FLT1: variants seen among roughly 807,000 people sequenced by gnomAD.
The protein encoded by FLT1 is vascular endothelial growth factor receptor 1.
FLT1 carries 49 observed loss-of-function variants against 156.3 expected under a neutral mutation model. The observed-to-expected ratio is 0.31, with a 90% CI of 0.25 to 0.40. FLT1 has a LOEUF of 0.40. FLT1 is among the 10% of genes least tolerant of loss of function. The pLI, the probability that FLT1 is intolerant of heterozygous loss-of-function variation, is 1.00. For missense variants in FLT1, 1,322 were observed against 1,637.2 expected, an observed-to-expected ratio of 0.81 and a Z score of 3.32; for synonymous variants, 594 against 583.8, an observed-to-expected ratio of 1.02 and a Z score of -0.25.
intron 3 of FLT1, among the ~76,000 whole-genome samples, chr13:28,452,820 T>C (rs1445087446): frequency 6.6e-6 from 1 of 151,914 alleles, no homozygotes; most frequent in East Asian, 1.9e-4. Context: ...AATTACTTCA[T>C]GCTCACAACC....
rs61763191 is a variant in FLT1 at position 28,384,275 on chromosome 13, A to C, written c.2116+610T>G. Among the ~76,000 whole-genome samples, 1,127 of 152,112 alleles carry C rather than the reference A, an allele frequency of 7.4e-3. 17 individuals carry two copies. The highest frequency in any genetic ancestry group is 0.026 in the African/African-American group (1,086 of 41,498). ...ATGGTGAAACCTTGTCTCTATTAAAAATACAAAAATTAGCCTGGCATGGTG... is the reference window on the plus strand; with the variant it reads ...ATGGTGAAACCTTGTCTCTATTAAACATACAAAAATTAGCCTGGCATGGTG... On this transcript the variant is annotated intron_variant, in intron 14 of 29. Coordinates refer to ENST00000282397, the MANE Select transcript of FLT1 (RefSeq NM_002019.4).
intron 1 of FLT1, among the ~76,000 whole-genome samples, chr13:28,489,341 G>A (rs750931060): frequency 2.0e-5 from 3 of 152,134 alleles, no homozygotes; most frequent in African/African-American, 4.8e-5. Flanking sequence ...TTACTCATTC[G>A]TTCCAACACT....
intron 15 of FLT1, among the ~76,000 whole-genome samples, chr13:28,354,912 G>A (rs981865515): frequency 6.6e-6 from 1 of 151,912 alleles, no homozygotes; most frequent in Admixed American, 6.6e-5. Flanking sequence ...TAAATGATAT[G>A]GCTAACAGAA....
chr13:28,332,989 A>G (rs1871987015), intron 18 of FLT1, among the ~76,000 whole-genome samples: 2 of 152,246 alleles, frequency 1.3e-5, no homozygotes, highest in Non-Finnish European at 2.9e-5. Flanking sequence ...GTGGATACCA[A>G]ACTCCTTCCC....
intron 10 of FLT1, among the ~76,000 whole-genome samples, chr13:28,412,841 C>G (rs1171319178): frequency 6.7e-6 from 1 of 149,942 alleles, no homozygotes; most frequent in Non-Finnish European, 1.5e-5. Flanking sequence ...GGATTACAGG[C>G]CAGAGCCACC....
intron 17 of FLT1, among the ~76,000 whole-genome samples, chr13:28,334,814 A>G (rs369275503): frequency 4.6e-5 from 7 of 152,244 alleles, no homozygotes; most frequent in South Asian, 2.1e-4. Flanking sequence ...CCATAATGCT[A>G]TGCTATAATG....
intron 3 of FLT1, among the ~76,000 whole-genome samples, chr13:28,461,383 A>G (rs1327122206): frequency 6.6e-6 from 1 of 152,224 alleles, no homozygotes; most frequent in African/African-American, 2.4e-5. Context: ...GACCTAACCT[A>G]GCTGGATCCT....
At chr13:28,479,277 C>T (rs1029454946) in intron 1 of FLT1, among the ~76,000 whole-genome samples, 1 of 152,166 alleles carries the variant, frequency 6.6e-6, no homozygotes, top group South Asian at 2.1e-4. Context: ...TAAACACATT[C>T]TTGATGATTG....
intron 25 of FLT1, among the ~76,000 whole-genome samples, chr13:28,315,110 G>A (rs142797452): frequency 2.6e-5 from 4 of 152,232 alleles, no homozygotes; most frequent in African/African-American, 7.2e-5. Context: ...TTACATGTGC[G>A]GTGCCTGTTT....
chr13:28,451,995 C>G (rs968720608), intron 3 of FLT1, among the ~76,000 whole-genome samples: 7 of 152,126 alleles, frequency 4.6e-5, no homozygotes, highest in Non-Finnish European at 1.0e-4. Flanking sequence ...GCCAGTGTGG[C>G]TAGTGTTTCC....
intron 16 of FLT1, among the ~76,000 whole-genome samples, chr13:28,344,860 C>T (rs1872506334): frequency 8.2e-6 from 1 of 121,992 alleles, no homozygotes; most frequent in African/African-American, 3.2e-5. Flanking sequence ...GGCTGAAGTG[C>T]AGTGGCATAT....
chr13:28,480,811 A>G (rs1400056274), intron 1 of FLT1, among the ~76,000 whole-genome samples: 1 of 152,194 alleles, frequency 6.6e-6, no homozygotes, highest in Non-Finnish European at 1.5e-5. Flanking sequence ...TGCCACTAGG[A>G]AAAAAGCCAC....
intron 10 of FLT1, among the ~76,000 whole-genome samples, chr13:28,418,179 C>A (rs1458337698): frequency 6.6e-6 from 1 of 152,148 alleles, no homozygotes; most frequent in Non-Finnish European, 1.5e-5. Flanking sequence ...ACTTGCCACC[C>A]TCCTGAGGCT....
intron 1 of FLT1, among the ~76,000 whole-genome samples, chr13:28,483,256 CTGTT>C (rs763870833): frequency 2.6e-5 from 4 of 152,172 alleles, no homozygotes; most frequent in Non-Finnish European, 4.4e-5. Context: ...CCTTTTAAAA[CTGTT>C]TGTTTGTAAT....
In FLT1 at chr13:28,467,151, C is replaced by T. The variant is rs772202930; in HGVS notation, c.162-22G>A. 8 of 1,577,234 alleles carry T rather than the reference C, an allele frequency of 5.1e-6. No homozygotes were observed. In the Admixed American group the frequency reaches 6.7e-5, roughly 13 times the overall value. On this transcript the variant is annotated intron_variant, in intron 2 of 29. Coordinates refer to ENST00000282397, the MANE Select transcript of FLT1 (RefSeq NM_002019.4). ...CCCCCTGCAATCACAGATAAGAAAA[C>T]AAAACATATTTATGGCTGGGCCCTA...
intron 1 of FLT1, among the ~76,000 whole-genome samples, chr13:28,474,047 C>T (rs1050943224): frequency 3.9e-5 from 6 of 152,132 alleles, no homozygotes; most frequent in Non-Finnish European, 7.3e-5. Context: ...TATTTGCAAG[C>T]CACAGAGAGA....
intron 1 of FLT1, among the ~76,000 whole-genome samples, chr13:28,484,965 A>G (rs1881068321): frequency 1.3e-5 from 2 of 151,482 alleles, no homozygotes; most frequent in Non-Finnish European, 2.9e-5. Context: ...TAGCATTAGG[A>G]GATATACCTA....
At chr13:28,472,532 C>G (rs1480759454) in intron 1 of FLT1, among the ~76,000 whole-genome samples, 1 of 152,204 alleles carries the variant, frequency 6.6e-6, no homozygotes, top group Non-Finnish European at 1.5e-5. Flanking sequence ...AGTGTTCTAG[C>G]TGGTCGAACC....
chr13:28,480,872 C>G (rs1566055795), intron 1 of FLT1, among the ~76,000 whole-genome samples: 1 of 152,174 alleles, frequency 6.6e-6, no homozygotes, highest in Non-Finnish European at 1.5e-5. Context: ...CTTGTTAAAA[C>G]AGAGCACCAC....
Sources: allele counts gnomAD v4.1 joint callset (sites outside exome capture counted in the v4.1 genomes callset), GRCh38; gene constraint gnomAD v4.1.1; transcripts MANE v1.5; gene names NCBI Gene and HGNC (gene_info 2026-07-23, HGNC 2026-07-21).